The following SMG6 variants were observed in gnomAD, a reference collection of about 807,000 sequenced individuals.
The protein encoded by SMG6 is SMG6 nonsense mediated mRNA decay factor.
In SMG6, 66 loss-of-function variants were observed where a neutral mutation model predicts 142.2. The observed-to-expected ratio is 0.46, with a 90% CI of 0.38 to 0.57. The LOEUF is 0.57. Among genes scored for constraint, SMG6 ranks in the 20% least tolerant of loss-of-function variants. The probability of loss-of-function intolerance (pLI) is 0.00; values close to 1 mark genes in which losing one functional copy is unlikely to be tolerated. For synonymous variants in SMG6, 779 were observed against 702.4 expected (o/e 1.11, Z -1.72); for missense variants, 1,793 against 1,832.0 (o/e 0.98, Z 0.39).
chr17:2,206,648 A>C (rs970515588), intron 10 of SMG6, among the ~76,000 whole-genome samples: 4 of 152,104 alleles, frequency 2.6e-5, no homozygotes, highest in African/African-American at 9.7e-5. Flanking sequence ...TAGGAGGCCA[A>C]GGCAGGCGGA....
At chr17:2,303,055 G>T (rs2075320196) in intron 1 of SMG6, 1 of 985,264 alleles carries the variant, frequency 1.0e-6, no homozygotes, top group African/African-American at 1.7e-5. Context: ...CTTGCAAATT[G>T]AGCATTCTCT....
At chr17:2,250,735 A>G (rs968867134) in intron 8 of SMG6, among the ~76,000 whole-genome samples, 1 of 152,112 alleles carries the variant, frequency 6.6e-6, no homozygotes, top group African/African-American at 2.4e-5. Flanking sequence ...AAAGGGATCT[A>G]TCCTCTTAGA....
At chr17:2,090,004 T>C (rs527406964) in intron 13 of SMG6, among the ~76,000 whole-genome samples, 2 of 151,712 alleles carry the variant, frequency 1.3e-5, no homozygotes, top group Admixed American at 1.3e-4. Flanking sequence ...GACAACATGG[T>C]GAAACCCCAT....
chr17:2,227,667 G>A (rs1400024943), intron 10 of SMG6, among the ~76,000 whole-genome samples: 2 of 152,178 alleles, frequency 1.3e-5, no homozygotes, highest in Non-Finnish European at 2.9e-5. Context: ...TTAGTAACTT[G>A]GGCATGTAAA....
chr17:2,278,977 A>G (rs1313380615), intron 8 of SMG6, among the ~76,000 whole-genome samples: 1 of 152,182 alleles, frequency 6.6e-6, no homozygotes, highest in Non-Finnish European at 1.5e-5. Flanking sequence ...ATATGCAGAC[A>G]CTGGGGACAA....
chr17:2,254,110 G>A (rs2074110150), intron 8 of SMG6, among the ~76,000 whole-genome samples: 1 of 152,230 alleles, frequency 6.6e-6, no homozygotes, highest in South Asian at 2.1e-4. Flanking sequence ...GGGCAACACT[G>A]TTGCTCTGAC....
At chr17:2,218,074 G>T (rs766018608) in intron 10 of SMG6, among the ~76,000 whole-genome samples, 7 of 151,816 alleles carry the variant, frequency 4.6e-5, no homozygotes, top group Non-Finnish European at 1.0e-4. Flanking sequence ...GGTAACACCT[G>T]TATTTAAATG....
chr17:2,221,400 G>GC (rs1398579698), intron 10 of SMG6, among the ~76,000 whole-genome samples: 1 of 152,054 alleles, frequency 6.6e-6, no homozygotes, highest in Non-Finnish European at 1.5e-5. Flanking sequence ...CTTCCTCTTT[G>GC]CCTTCCACCA....
chr17:2,132,007 G>A (rs1242389678), intron 13 of SMG6, among the ~76,000 whole-genome samples: 2 of 152,098 alleles, frequency 1.3e-5, no homozygotes, highest in Non-Finnish European at 2.9e-5. Context: ...AGGAGGCGGA[G>A]GTTGTAGTGA....
intron 13 of SMG6, among the ~76,000 whole-genome samples, chr17:2,123,731 G>A (rs999765922): frequency 3.3e-5 from 5 of 152,334 alleles, no homozygotes; most frequent in Admixed American, 1.3e-4. Context: ...AGTGAAGCCC[G>A]GCAGAGCCAG....
At chr17:2,225,218 C>T (rs2151777848) in intron 10 of SMG6, among the ~76,000 whole-genome samples, 1 of 152,030 alleles carries the variant, frequency 6.6e-6, no homozygotes, top group East Asian at 1.9e-4. Context: ...TGGCTCACAC[C>T]TGTAATCCCA....
In SMG6 at chr17:2,300,251, C is replaced by G; in HGVS notation, c.502G>C (p.Val168Leu). Reference protein sequence around the residue: ...ESASRVEEEEVLNQVEQLRVE... With the variant: ...ESASRVEEEELLNQVEQLRVE... ...CTCAGTTGTTCTACCTGGTTGAGGA[C>G]TTCTTCCTCCTCCACCCGACTGGCG... Residue 168 changes from valine (V) to leucine (L), a missense_variant, in exon 2 of 19, where the codon GTC becomes CTC. Physicochemically the swap from Val to Leu is conservative, Grantham distance 32. Transcript: ENST00000263073. 1 of 1,614,202 alleles carries G rather than the reference C, an allele frequency of 6.2e-7. No individual in the cohort carries two copies. Among genetic ancestry groups the G allele is most frequent in the Non-Finnish European group, 8.5e-7 (1 of 1,180,048 alleles).
In SMG6 at chr17:2,292,972, T is replaced by C; in HGVS notation, c.2157A>G (p.Lys719=). ...IRSKPLRKTV[K]YALISAQRCM... ...ATCGCTGGGCACTGATCAAGGCATATTTTACCTTCAGGAAAAACAACCAGT... is the reference window on the plus strand; with the variant it reads ...ATCGCTGGGCACTGATCAAGGCATACTTTACCTTCAGGAAAAACAACCAGT... Residue 719 remains lysine, a synonymous_variant, in exon 5 of 19, where the codon AAA becomes AAG. Coordinates refer to ENST00000263073, the MANE Select transcript of SMG6 (RefSeq NM_017575.5). 1.2e-6 allele frequency: 2 copies of C among 1,612,656 alleles called. No homozygotes were observed. The highest frequency in any genetic ancestry group is 1.3e-5 in the African/African-American group (1 of 75,020).
At chr17:2,129,819 A>G (rs1208606337) in intron 13 of SMG6, among the ~76,000 whole-genome samples, 5 of 142,794 alleles carry the variant, frequency 3.5e-5, no homozygotes, top group Admixed American at 7.0e-5. Flanking sequence ...AAAAAAAAAA[A>G]AAGAAATCCA....
At chr17:2,295,073 C>T (rs1297771260) in intron 4 of SMG6, among the ~76,000 whole-genome samples, 2 of 152,074 alleles carry the variant, frequency 1.3e-5, no homozygotes, top group Non-Finnish European at 2.9e-5. Flanking sequence ...GAGGGGGTTT[C>T]GCCATGTTGG....
chr17:2,266,347 G>C (rs1243295642), intron 8 of SMG6: 3 of 198,902 alleles, frequency 1.5e-5, no homozygotes, highest in African/African-American at 7.1e-5. Flanking sequence ...CAACACTCTC[G>C]GGGAGGATGA....
chr17:2,243,129 G>A (rs915953706), intron 9 of SMG6, among the ~76,000 whole-genome samples: 5 of 152,204 alleles, frequency 3.3e-5, no homozygotes, highest in Admixed American at 6.5e-5. Flanking sequence ...GTCTCCACCT[G>A]TTATGTCTAC....
intron 13 of SMG6, among the ~76,000 whole-genome samples, chr17:2,121,550 C>G (rs922824597): frequency 1.6e-5 from 1 of 62,646 alleles, no homozygotes; most frequent in African/African-American, 1.0e-4. Flanking sequence ...TTTATATATA[C>G]ACACACACAC....
intron 13 of SMG6, among the ~76,000 whole-genome samples, chr17:2,141,628 G>C (rs998051771): frequency 6.6e-6 from 1 of 152,052 alleles, no homozygotes; most frequent in Non-Finnish European, 1.5e-5. Context: ...TTTTTTTGCA[G>C]AGGCAGGGTC....
Sources: allele counts gnomAD v4.1 joint callset (sites outside exome capture counted in the v4.1 genomes callset), GRCh38; gene constraint gnomAD v4.1.1; transcripts MANE v1.5; gene names NCBI Gene and HGNC (gene_info 2026-07-23, HGNC 2026-07-21).